Variants in COL5A2 observed in about 807,000 individuals in gnomAD.
COL5A2 encodes the protein collagen type V alpha 2 chain, also known as collagen alpha-2(V) chain.
In COL5A2, 23 loss-of-function variants were observed where a neutral mutation model predicts 208.2. The ratio of observed to expected loss-of-function variants is 0.11; its 90% CI spans 0.08 to 0.16. The LOEUF (loss-of-function observed/expected upper bound fraction) is 0.16, where lower values mean the gene tolerates loss of function less well. Among genes scored for constraint, COL5A2 ranks in the 10% least tolerant of loss-of-function variants. The pLI is 1.00. For synonymous variants in COL5A2, 625 were observed against 628.5 expected (o/e 0.99, Z 0.08); for missense variants, 1,590 against 1,956.4 (o/e 0.81, Z 3.53).
chr2:189,050,500 T>A (rs1685761566), intron 43 of COL5A2, 69 bp downstream of exon 43: 6 of 1,294,678 alleles, frequency 4.6e-6, no homozygotes, highest in Admixed American at 2.0e-5. Context: ...GCAAAAAAAA[T>A]AAAATCAATT....
At chr2:189,243,941 C>T in the COL5A2 span, among the ~76,000 whole-genome samples, 1 of 152,152 alleles carries the variant, frequency 6.6e-6, no homozygotes, top group African/African-American at 2.4e-5. Context: ...TGGCTTGCAC[C>T]CTCTGAAGCC....
At position 189,177,957 on chromosome 2, in the gene COL5A2, T is replaced by C. The variant is rs1688707410; in HGVS notation, c.97+1551A>G. On this transcript the variant is annotated intron_variant, in intron 1 of 53. Transcript: ENST00000374866. ...AGAAAGTGGTATTAAAGGTTTTAAA[T>C]TAAAGTTGGTTGTTTTGGTGGGGGA... 1.3e-5 allele frequency among the ~76,000 whole-genome samples: 2 copies of C among 152,226 alleles called. 1 individual carries two copies. The highest frequency in any genetic ancestry group is 4.1e-4 in the South Asian group (2 of 4,834).
At chr2:189,383,296 A>G in the COL5A2 span, among the ~76,000 whole-genome samples, 2 of 152,226 alleles carry the variant, frequency 1.3e-5, no homozygotes, top group East Asian at 3.9e-4. Context: ...CCACCTTCTC[A>G]CTGTGTTCTC....
chr2:189,414,753 C>CAAAAAAAAAAAAAAAAAAA, the COL5A2 span, among the ~76,000 whole-genome samples: 1 of 70,306 alleles, frequency 1.4e-5, no homozygotes, highest in African/African-American at 5.6e-5. Context: ...GACTCTGTCT[C>CAAAAAAAAAAAAAAAAAAA]AAAAAAAAAA....
rs969793050 is a variant in COL5A2, at chr2:189,152,136, C to T, written c.97+27372G>A. ...TTCAACACACATGATTTCATTCAAT[C>T]CTTACACACTGCAAAGTAATCAGAG... On this transcript the variant is annotated intron_variant, in intron 1 of 53. Coordinates refer to ENST00000374866, the MANE Select transcript of COL5A2 (RefSeq NM_000393.5). Among the ~76,000 whole-genome samples the T allele has an allele frequency of 3.3e-5, 5 of 152,158 alleles. No homozygotes were observed. The East Asian group carries it at 9.6e-4, about 29-fold the overall frequency.
intron 1 of COL5A2, among the ~76,000 whole-genome samples, chr2:189,198,664 T>G (rs1267720728): frequency 1.3e-5 from 2 of 152,160 alleles, no homozygotes; most frequent in African/African-American, 4.8e-5. Flanking sequence ...CAGAAATTGT[T>G]TTCATAATAG....
the COL5A2 span, among the ~76,000 whole-genome samples, chr2:189,359,448 T>C: frequency 6.6e-6 from 1 of 152,182 alleles, no homozygotes; most frequent in Non-Finnish European, 1.5e-5. Flanking sequence ...AATAATCCTT[T>C]TAAATGCTGT....
At chr2:189,122,458 T>A (rs1372723594) in intron 1 of COL5A2, among the ~76,000 whole-genome samples, 1 of 152,054 alleles carries the variant, frequency 6.6e-6, no homozygotes, top group Non-Finnish European at 1.5e-5. Flanking sequence ...TGGTTTAATT[T>A]ATCAAAAAAA....
At chr2:189,327,261 C>T in the COL5A2 span, among the ~76,000 whole-genome samples, 4 of 152,062 alleles carry the variant, frequency 2.6e-5, no homozygotes, top group Non-Finnish European at 5.9e-5. Context: ...TCTCCTTCCT[C>T]CATACTTAGG....
intron 1 of COL5A2, among the ~76,000 whole-genome samples, chr2:189,163,366 T>C (rs1237435019): frequency 6.6e-6 from 1 of 152,234 alleles, no homozygotes. Context: ...AGTCTGTGGC[T>C]AAACAGCATA....
chr2:189,163,770 C>T (rs1399991), intron 1 of COL5A2, among the ~76,000 whole-genome samples: 91,351 of 152,070 alleles, frequency 0.6, 28,347 homozygotes, highest in East Asian at 0.72. Context: ...TCTATAGTCA[C>T]AGGCTTTCAA....
At chr2:189,186,299 C>A (rs886438258) in intron 1 of COL5A2, among the ~76,000 whole-genome samples, 5 of 152,004 alleles carry the variant, frequency 3.3e-5, no homozygotes, top group Non-Finnish European at 7.4e-5. Flanking sequence ...ATCAAGCCAA[C>A]AAACCATAAT....
At position 189,034,846 on chromosome 2, in the gene COL5A2, T is replaced by C. The variant is rs7420715; in HGVS notation, c.4353+70A>G. On this transcript the variant is annotated intron_variant, in intron 53 of 53. Coordinates refer to ENST00000374866, the MANE Select transcript of COL5A2 (RefSeq NM_000393.5). Reference sequence around the variant, plus strand: ...GTAAAATTGCCCCCAGTTCTAGTGCTGTAATAGTATTTTTAACAAAAATAA... The same window carrying C: ...GTAAAATTGCCCCCAGTTCTAGTGCCGTAATAGTATTTTTAACAAAAATAA... 0.93 allele frequency: 1,484,240 copies of C among 1,591,696 alleles called. 694,609 individuals are homozygous for C. The highest frequency in any genetic ancestry group is 0.96 in the Non-Finnish European group (1,112,703 of 1,162,638).
At chr2:189,311,703 TG>T in the COL5A2 span, 1 of 753,596 alleles carries the variant, frequency 1.3e-6, no homozygotes, top group Non-Finnish European at 2.4e-6. Flanking sequence ...GTGGACTGCA[TG>T]GTGACCACTG....
the COL5A2 span, among the ~76,000 whole-genome samples, chr2:189,320,562 A>G: frequency 6.6e-6 from 1 of 152,260 alleles, no homozygotes; most frequent in Admixed American, 6.5e-5. Context: ...AAGAAAGAGT[A>G]TCAGTGATTG....
At chr2:189,220,911 T>A (rs1689340877) in intron 1 of COL5A2, among the ~76,000 whole-genome samples, 1 of 152,210 alleles carries the variant, frequency 6.6e-6, no homozygotes, top group South Asian at 2.1e-4. Flanking sequence ...TCAGTGCTTA[T>A]CTCTTCCCTC....
chr2:189,139,161 G>A (rs1332228307), intron 1 of COL5A2, among the ~76,000 whole-genome samples: 1 of 152,148 alleles, frequency 6.6e-6, no homozygotes, highest in Admixed American at 6.5e-5. Context: ...TGTAATCCCA[G>A]CACTTTGGGA....
the COL5A2 span, among the ~76,000 whole-genome samples, chr2:189,346,948 G>A: frequency 2.6e-5 from 4 of 152,266 alleles, no homozygotes; most frequent in African/African-American, 9.6e-5. Context: ...ACCAACTAAC[G>A]CTTAGGAGAA....
chr2:189,223,822 T>A lies in COL5A2; in HGVS notation c.-42+1326A>T, dbSNP rs192771954. Among the ~76,000 whole-genome samples the A allele has an allele frequency of 2.1e-3, 316 of 152,054 alleles. 2 individuals carry two copies. Among genetic ancestry groups the A allele is most frequent in the African/African-American group, 7.4e-3 (307 of 41,470 alleles). On this transcript the variant is annotated intron_variant, in intron 1 of 10. Transcript: ENST00000649966. ...TGATTGGAGCTGGATACTAGGGGAG[T>A]ATTCTAAGTTGCTCATAAGATTCTG...
Sources: allele counts gnomAD v4.1 joint callset (sites outside exome capture counted in the v4.1 genomes callset), GRCh38; gene constraint gnomAD v4.1.1; transcripts MANE v1.5; gene names NCBI Gene and HGNC (gene_info 2026-07-23, HGNC 2026-07-21).